P3H4: variants seen among roughly 807,000 people sequenced by gnomAD.
P3H4 encodes prolyl 3-hydroxylase family member 4 (inactive), also known as endoplasmic reticulum protein SC65.
A neutral mutation model predicts 52.9 loss-of-function variants in P3H4; 47 were observed. That is an observed-to-expected ratio of 0.89 (90% CI 0.70 to 1.13). The LOEUF is 1.13. Ranked by LOEUF, P3H4 falls within the 50% of genes most tolerant of loss-of-function variation. P3H4 has a pLI of 0.00. For missense variants in P3H4, 585 were observed against 611.0 expected (o/e 0.96, Z 0.45); for synonymous variants, 256 against 267.9 (o/e 0.96, Z 0.44).
chr17:41,806,751 G>C, intron 6 of P3H4, 45 bp downstream of exon 6: 1 of 1,532,494 alleles, frequency 6.5e-7, no homozygotes, highest in Non-Finnish European at 9.0e-7. Flanking sequence ...AAAGGTCCAA[G>C]GTGTCCCCAT....
rs2047630764 is a variant in P3H4, at chr17:41,802,731, A to G, written c.*226T>C. 2 of 483,018 alleles carry G rather than the reference A, an allele frequency of 4.1e-6. No individual in the cohort carries two copies. The highest frequency in any genetic ancestry group is 7.2e-6 in the Non-Finnish European group (2 of 277,532). The allele number at this position is 483,018 out of a possible 1,614,324, so 29.9% of individuals were successfully genotyped here. A position where few individuals can be genotyped will look rare whatever the true frequency, so the allele number is the denominator to read the frequency against. Reference sequence around the variant, plus strand: ...CACACCCGGCTAATTTATGTATTTTAGTAGAGACGGAGGTCTCATCATGTT... The same window carrying G: ...CACACCCGGCTAATTTATGTATTTTGGTAGAGACGGAGGTCTCATCATGTT... On this transcript the variant is annotated 3_prime_UTR_variant, in exon 8 of 8. Transcript: ENST00000393928.
At chr17:41,808,106 A>G (rs1555614469) in intron 4 of P3H4, 102 bp from the exon 5 acceptor site, 6 of 1,434,234 alleles carry the variant, frequency 4.2e-6, no homozygotes, top group Non-Finnish European at 5.7e-6. Context: ...GCCACCTCCC[A>G]GAATACCTAA....
chr17:41,810,480 T>C (rs2047717982), intron 3 of P3H4, among the ~76,000 whole-genome samples: 1 of 151,974 alleles, frequency 6.6e-6, no homozygotes, highest in African/African-American at 2.4e-5. Flanking sequence ...CCAAGTACAG[T>C]CCTTTCTGCC....
rs782547590 is a variant in P3H4 at position 41,809,760 on chromosome 17, C to T, written c.862G>A (p.Val288Met). The stretch of plus-strand genomic sequence containing the variant: ...TACATGGTGGCCACGAACTTGTCCA[C>T]GAAGTAGCCACCCACATTGGGGGTC... ...NLTPNVGGYF[V>M]DKFVATMYHY... The change falls in exon 4 of 8, where the codon GTG (valine) becomes ATG (methionine). Residue 288 changes from valine (V) to methionine (M), a missense_variant. By Grantham distance (21) the Val-to-Met change is conservative. Coordinates refer to ENST00000393928, the MANE Select transcript of P3H4 (RefSeq NM_006455.3). 1.9e-5 allele frequency: 31 copies of T among 1,613,750 alleles called. No homozygotes were observed. The East Asian group carries it at 5.3e-4, about 28-fold the overall frequency.
intron 6 of P3H4, among the ~76,000 whole-genome samples, chr17:41,805,264 G>A (rs1301149001): frequency 7.1e-5 from 9 of 125,966 alleles, no homozygotes; most frequent in African/African-American, 2.3e-4. Context: ...ACTCCAGCAT[G>A]GGCGACAGAG....
chr17:41,806,977 C>CT, intron 5 of P3H4, 98 bp from the exon 6 acceptor site: 1 of 853,798 alleles, frequency 1.2e-6, no homozygotes, highest in Non-Finnish European at 1.9e-6. Flanking sequence ...TGGCCCTCTT[C>CT]TAGCTCAAGG....
In P3H4 at chr17:41,809,814, G is replaced by T. The variant is rs2047710689; in HGVS notation, c.808C>A (p.Gln270Lys). 6.2e-7 allele frequency: 1 copy of T among 1,612,770 alleles called. No individual in the cohort carries two copies. Among genetic ancestry groups the T allele is most frequent in the South Asian group, 1.1e-5 (1 of 90,700 alleles). ...AIADLFAESL[Q>K]CKVDCEANLT... ...TTGGCCTCACAGTCCACCTTGCACT[G>T]CAGGGACTCTGCAAAGAGATCTGAG... is the stretch of plus-strand genomic sequence containing the variant. The change falls in exon 4 of 8, where the codon CAG becomes AAG. Residue 270 changes from glutamine (Q) to lysine (K), a missense_variant. Coordinates refer to ENST00000393928, the MANE Select transcript of P3H4 (RefSeq NM_006455.3).
At chr17:41,809,938 G>T in intron 3 of P3H4, 104 bp from the exon 4 acceptor site, 1 of 1,357,160 alleles carries the variant, frequency 7.4e-7, no homozygotes, top group Non-Finnish European at 1.0e-6. Context: ...AAGCCAAGCT[G>T]CTTGTCCAGA....
At chr17:41,810,259 C>T (rs2047715570) in intron 3 of P3H4, among the ~76,000 whole-genome samples, 1 of 151,170 alleles carries the variant, frequency 6.6e-6, no homozygotes. Flanking sequence ...ATGCAACCTC[C>T]GCCTCCCAGG....
chr17:41,803,038 C>T, intron 7 of P3H4, 59 bp from the exon 8 acceptor site: 2 of 1,580,748 alleles, frequency 1.3e-6, no homozygotes, highest in South Asian at 2.3e-5. Flanking sequence ...AATGGGTGTC[C>T]AGGTGCTGTC....
chr17:41,806,181 T>C (rs2047672188), intron 6 of P3H4, among the ~76,000 whole-genome samples: 1 of 151,080 alleles, frequency 6.6e-6, no homozygotes, highest in Non-Finnish European at 1.5e-5. Context: ...ATGACACCAC[T>C]GCACTCCAGC....
chr17:41,803,059 GT>G (rs1373816177), intron 7 of P3H4, 80 bp from the exon 8 acceptor site: 147 of 1,526,244 alleles, frequency 9.6e-5, no homozygotes, highest in Non-Finnish European at 1.3e-4. Context: ...CTGATGGGAG[GT>G]GGGGTGAGGC....
chr17:41,804,226 C>T (rs984250188), intron 6 of P3H4, among the ~76,000 whole-genome samples: 1 of 150,402 alleles, frequency 6.6e-6, no homozygotes, highest in Non-Finnish European at 1.5e-5. Context: ...GCTGGGATTA[C>T]AGGTGTGAGC....
chr17:41,803,022 A>G, intron 7 of P3H4, 43 bp from the exon 8 acceptor site: 1 of 1,603,160 alleles, frequency 6.2e-7, no homozygotes, highest in South Asian at 1.1e-5. Context: ...TCCCCCACCC[A>G]CTCCCAATGG....
At chr17:41,807,197 G>C in intron 5 of P3H4, 1 of 388,608 alleles carries the variant, frequency 2.6e-6, no homozygotes, top group Non-Finnish European at 4.8e-6. Context: ...TGGTTACCTA[G>C]GGTGTTCCTG....
rs1010043425 is a variant in P3H4 at position 41,811,749 on chromosome 17, G to C, written c.167C>G (p.Ala56Gly). 2.6e-6 allele frequency: 4 copies of C among 1,520,664 alleles called. No individual in the cohort carries two copies. Among genetic ancestry groups the C allele is most frequent in the Middle Eastern group, 1.7e-4 (1 of 5,854 alleles). 94.2% of individuals were successfully genotyped at this position (1,520,664 alleles called of 1,614,324 possible). The change falls in exon 1 of 8, where the codon GCG becomes GGG. Residue 56 changes from alanine (A) to glycine (G), a missense_variant. Coordinates refer to ENST00000393928, the MANE Select transcript of P3H4 (RefSeq NM_006455.3). This position sits in a 1 kb window ranked among gnomAD's most constrained non-coding sequence, Gnocchi z 4.8. The part of the protein sequence containing the change: ...QYEGESWRES[A>G]RYLEAALRLH... ...CCGCAGCGCCGCCTCCAGGTAGCGC[G>C]CGCTCTCGCGCCAGCTCTCTCCCTC...
chr17:41,804,911 T>G (rs1298984255), intron 6 of P3H4, among the ~76,000 whole-genome samples: 1 of 151,664 alleles, frequency 6.6e-6, no homozygotes, highest in Non-Finnish European at 1.5e-5. Flanking sequence ...AGGTGGAGGT[T>G]GCAGTGAGCA....
intron 7 of P3H4, 84 bp downstream of exon 7, chr17:41,803,203 T>A: frequency 6.5e-7 from 1 of 1,539,216 alleles, no homozygotes; most frequent in Non-Finnish European, 8.8e-7. Context: ...CACCCTGGGC[T>A]CCGGAGCCCA....
intron 7 of P3H4, 90 bp downstream of exon 7, chr17:41,803,197 C>G: frequency 6.5e-7 from 1 of 1,534,150 alleles, no homozygotes; most frequent in South Asian, 1.2e-5. Flanking sequence ...CACACACACC[C>G]TGGGCTCCGG....
Sources: gnomAD v4.1 joint callset for allele counts (sites outside exome capture counted in the v4.1 genomes callset) on GRCh38, gnomAD v4.1.1 for gene constraint, Gnocchi (gnomAD v3.1) non-coding constraint, MANE v1.5 for transcripts, NCBI Gene and HGNC (gene_info 2026-07-23, HGNC 2026-07-21) for gene names.